The following RARB variants were observed in gnomAD, a reference collection of about 807,000 sequenced individuals.
The protein encoded by RARB is HBV-activated protein.
RARB carries 17 observed loss-of-function variants against 51.9 expected under a neutral mutation model. The ratio of observed to expected loss-of-function variants is 0.33; its 90% confidence interval spans 0.22 to 0.49. RARB has a LOEUF of 0.49. Among genes scored for constraint, RARB ranks in the 20% least tolerant of loss-of-function variants. The pLI, the probability that RARB is intolerant of heterozygous loss-of-function variation, is 0.99. For missense variants in RARB, 369 were observed against 550.8 expected (o/e 0.67, Z 3.30); for synonymous variants, 215 against 195.4 (o/e 1.10, Z -0.84).
chr3:25,109,747 G>C (rs1699568921), intron 3 of RARB, among the ~76,000 whole-genome samples: 1 of 152,112 alleles, frequency 6.6e-6, no homozygotes, highest in Non-Finnish European at 1.5e-5. Context: ...CGTTACGTCA[G>C]CCATGCTTCT....
chr3:25,226,744 T>C (rs73042375), intron 5 of RARB, among the ~76,000 whole-genome samples: 15,398 of 152,110 alleles, frequency 0.1, 956 homozygotes, highest in South Asian at 0.26. Context: ...TGTCCTTTCC[T>C]ATCAGGCTGC....
intron 5 of RARB, among the ~76,000 whole-genome samples, chr3:25,181,827 A>C (rs1160329477): frequency 6.6e-6 from 1 of 152,082 alleles, no homozygotes; most frequent in Non-Finnish European, 1.5e-5. Context: ...TCATCATTTT[A>C]TAAAATCATG....
rs138429937 is a variant in RARB, at chr3:24,864,553, C to G, written c.-380+5801C>G. Reference sequence around the variant, plus strand: ...GAACCAGGTGTTCAACTCAGACTCACTCTCTCATATCCAAACTCAGTTTAC... The same window carrying G: ...GAACCAGGTGTTCAACTCAGACTCAGTCTCTCATATCCAAACTCAGTTTAC... On this transcript the variant is annotated intron_variant, in intron 2 of 11. Transcript: ENST00000383772. 1.5e-3 allele frequency among the ~76,000 whole-genome samples: 231 copies of G among 152,296 alleles called. 1 individual carries two copies. The highest frequency in any genetic ancestry group is 5.1e-3 in the African/African-American group (211 of 41,572).
intron 2 of RARB, among the ~76,000 whole-genome samples, chr3:24,900,708 T>C (rs1475590224): frequency 1.3e-5 from 2 of 152,226 alleles, no homozygotes; most frequent in African/African-American, 4.8e-5. Flanking sequence ...AGACAGCTGA[T>C]GTAAATGCAT....
intron 2 of RARB, among the ~76,000 whole-genome samples, chr3:25,042,684 T>C (rs1037313141): frequency 2.0e-5 from 3 of 152,212 alleles, no homozygotes; most frequent in South Asian, 2.1e-4. Flanking sequence ...CTTATAACGA[T>C]GTAATCCACT....
intron 2 of RARB, among the ~76,000 whole-genome samples, chr3:25,048,842 G>A (rs890821744): frequency 5.2e-5 from 7 of 135,652 alleles, no homozygotes; most frequent in Middle Eastern, 4.3e-3. Flanking sequence ...TGCAAGCTCC[G>A]CCTCCCGGGT....
intron 2 of RARB, among the ~76,000 whole-genome samples, chr3:24,863,173 C>G (rs934221688): frequency 2.0e-5 from 3 of 152,202 alleles, no homozygotes; most frequent in African/African-American, 7.2e-5. Context: ...GATGCCTCAT[C>G]TAACTGGGGC....
At chr3:25,160,313 G>A (rs1700453362) in intron 4 of RARB, among the ~76,000 whole-genome samples, 1 of 152,206 alleles carries the variant, frequency 6.6e-6, no homozygotes, top group Admixed American at 6.5e-5. Flanking sequence ...TCTAGGAAAT[G>A]TTGCACTTTC....
intron 3 of RARB, among the ~76,000 whole-genome samples, chr3:25,103,209 T>C (rs1699437067): frequency 6.6e-6 from 1 of 152,120 alleles, no homozygotes; most frequent in African/African-American, 2.4e-5. Context: ...ATTTTACCAT[T>C]GGCCAATGGT....
At chr3:25,069,220 G>C (rs763049844) in intron 3 of RARB, among the ~76,000 whole-genome samples, 4 of 150,480 alleles carry the variant, frequency 2.7e-5, no homozygotes, top group Admixed American at 2.0e-4. Context: ...ATTTTTTTTT[G>C]AGTCTATAAA....
At chr3:25,441,266 AC>A in intron 1 of RARB, 2 of 413,486 alleles carry the variant, frequency 4.8e-6, no homozygotes, top group African/African-American at 2.1e-5. Context: ...CCTGCAAAGC[AC>A]CAGTAGCTGC....
chr3:25,039,280 G>T (rs1404927167), intron 2 of RARB, among the ~76,000 whole-genome samples: 2 of 152,180 alleles, frequency 1.3e-5, no homozygotes, highest in Non-Finnish European at 2.9e-5. Flanking sequence ...AGCAGAAAAC[G>T]ATTGTTGTTA....
intron 2 of RARB, among the ~76,000 whole-genome samples, chr3:24,899,056 G>A (rs1043219267): frequency 2.6e-5 from 4 of 152,168 alleles, no homozygotes; most frequent in African/African-American, 4.8e-5. Context: ...CATGATCTAA[G>A]ATCATTTTAG....
intron 5 of RARB, among the ~76,000 whole-genome samples, chr3:25,362,226 G>T (rs1314023220): frequency 6.6e-6 from 1 of 152,298 alleles, no homozygotes; most frequent in Middle Eastern, 3.4e-3. Context: ...GGCTACAGCA[G>T]CTCTACCAAG....
intron 1 of RARB, among the ~76,000 whole-genome samples, chr3:24,844,588 A>T (rs1253725568): frequency 6.6e-6 from 1 of 152,202 alleles, no homozygotes; most frequent in Non-Finnish European, 1.5e-5. Flanking sequence ...TGCCTTGAGG[A>T]CTGTGAGAAA....
intron 2 of RARB, among the ~76,000 whole-genome samples, chr3:24,954,511 G>T (rs759699383): frequency 6.6e-6 from 1 of 152,188 alleles, no homozygotes; most frequent in Non-Finnish European, 1.5e-5. Context: ...TTATCTTACA[G>T]ATTTAAAAGT....
intron 2 of RARB, among the ~76,000 whole-genome samples, chr3:25,028,885 C>A (rs1404851121): frequency 1.3e-5 from 2 of 152,186 alleles, no homozygotes. Context: ...CGTGAATTTA[C>A]CAAATGTGCC....
intron 1 of RARB, among the ~76,000 whole-genome samples, chr3:25,446,632 T>C (rs1161516156): frequency 1.3e-5 from 2 of 151,438 alleles, no homozygotes; most frequent in African/African-American, 4.9e-5. Flanking sequence ...TGAAACCCCA[T>C]CTCTACTAAA....
chr3:25,205,327 C>G (rs1486726654), intron 5 of RARB, among the ~76,000 whole-genome samples: 1 of 152,150 alleles, frequency 6.6e-6, no homozygotes, highest in Non-Finnish European at 1.5e-5. Flanking sequence ...GCCTGTCACC[C>G]CTTTCCTTGG....
Sources: allele counts gnomAD v4.1 joint callset (sites outside exome capture counted in the v4.1 genomes callset), GRCh38; gene constraint gnomAD v4.1.1; transcripts MANE v1.5; gene names NCBI Gene and HGNC (gene_info 2026-07-23, HGNC 2026-07-21).